Variants in ADAM9 observed in about 807,000 individuals in gnomAD.
ADAM9 encodes disintegrin and metalloproteinase domain-containing protein 9.
Under a neutral mutation model 108.1 loss-of-function variants are expected in ADAM9, and 54 were observed. The observed-to-expected ratio is 0.50, with a 90% CI of 0.40 to 0.63. ADAM9 has a LOEUF of 0.63. ADAM9 is among the 20% of genes least tolerant of loss of function. ADAM9 has a pLI of 0.00. For missense variants in ADAM9, 830 were observed against 997.7 expected, an observed-to-expected ratio of 0.83 and a Z score of 2.26; for synonymous variants, 316 against 336.0, an observed-to-expected ratio of 0.94 and a Z score of 0.65.
intron 11 of ADAM9, among the ~76,000 whole-genome samples, chr8:39,040,554 G>T (rs1002177199): frequency 1.3e-5 from 2 of 152,142 alleles, no homozygotes; most frequent in Admixed American, 6.5e-5. Flanking sequence ...CTATGGAGTT[G>T]TGTGAGTTTT....
At chr8:39,045,247 CATATATGTGTATATATGT>C (rs1564299039) in intron 12 of ADAM9, among the ~76,000 whole-genome samples, 3 of 129,818 alleles carry the variant, frequency 2.3e-5, no homozygotes, top group African/African-American at 9.6e-5. Context: ...TGTATACATA[CATATATGTGTATATATGT>C]GTATACATAC....
intron 12 of ADAM9, among the ~76,000 whole-genome samples, chr8:39,051,451 A>G (rs1217375729): frequency 3.9e-5 from 6 of 152,154 alleles, no homozygotes; most frequent in Admixed American, 2.0e-4. Flanking sequence ...CTGACTTTTT[A>G]TAGGAGATTT....
chr8:39,065,612 A>T (rs530116283), intron 14 of ADAM9, among the ~76,000 whole-genome samples: 1 of 146,216 alleles, frequency 6.8e-6, no homozygotes, highest in South Asian at 2.2e-4. Flanking sequence ...GTGAGCCGAG[A>T]TCGCACCATT....
At chr8:39,090,460 G>A (rs868489780) in intron 19 of ADAM9, among the ~76,000 whole-genome samples, 1 of 152,024 alleles carries the variant, frequency 6.6e-6, no homozygotes, top group South Asian at 2.1e-4. Flanking sequence ...GAGCCTCCAC[G>A]CTCAGCCTAT....
chr8:39,100,292 A>G (rs952399395), intron 20 of ADAM9, among the ~76,000 whole-genome samples: 14 of 151,754 alleles, frequency 9.2e-5, no homozygotes, highest in African/African-American at 3.1e-4. Context: ...GATGGAGACC[A>G]TCCTGGCTAA....
At chr8:39,028,101 A>G (rs1836981132) in intron 11 of ADAM9, among the ~76,000 whole-genome samples, 1 of 152,106 alleles carries the variant, frequency 6.6e-6, no homozygotes, top group Non-Finnish European at 1.5e-5. Flanking sequence ...ACAAACACAG[A>G]TGAAGATTTC....
chr8:39,084,969 C>T (rs1839141139), intron 18 of ADAM9, among the ~76,000 whole-genome samples: 2 of 152,062 alleles, frequency 1.3e-5, no homozygotes, highest in Non-Finnish European at 2.9e-5. Context: ...TAGTAATATT[C>T]TCTGCCCTGC....
intron 5 of ADAM9, chr8:39,016,985 A>G (rs1836553335): frequency 1.9e-6 from 1 of 525,102 alleles, no homozygotes; most frequent in Non-Finnish European, 3.4e-6. Flanking sequence ...TTTCCCGTAG[A>G]TCACTCAGGG....
At chr8:39,048,857 TAG>T (rs1837860500) in intron 12 of ADAM9, among the ~76,000 whole-genome samples, 1 of 152,216 alleles carries the variant, frequency 6.6e-6, no homozygotes, top group Middle Eastern at 3.4e-3. Flanking sequence ...AATTCTGACA[TAG>T]AGTCTCTTTT....
intron 15 of ADAM9, among the ~76,000 whole-genome samples, chr8:39,074,114 C>T (rs1367295068): frequency 2.0e-5 from 3 of 152,122 alleles, no homozygotes; most frequent in African/African-American, 4.8e-5. Flanking sequence ...TTGTTGTCAT[C>T]CTCCTTGGAG....
At chr8:39,102,255 C>T (rs1839723365) in intron 21 of ADAM9, among the ~76,000 whole-genome samples, 1 of 152,096 alleles carries the variant, frequency 6.6e-6, no homozygotes, top group Admixed American at 6.6e-5. Context: ...CCGTCAAAAA[C>T]AGCTAAAAAA....
chr8:38,996,975 A>T lies in ADAM9; in HGVS notation c.-89A>T. ...TCGGGCGCGCGCGCTTCCCGGCCAG[A>T]CTTGGGGCCCCGGCAGGGTTGGAAA... On this transcript the variant is annotated 5_prime_UTR_variant, in exon 1 of 22. Coordinates refer to ENST00000487273, the MANE Select transcript of ADAM9 (RefSeq NM_003816.3). 1.3e-6 allele frequency: 2 copies of T among 1,522,434 alleles called. No homozygotes were observed. Among genetic ancestry groups the T allele is most frequent in the Non-Finnish European group, 1.8e-6 (2 of 1,132,438 alleles). The allele number at this position is 1,522,434 out of a possible 1,614,324, so 94.3% of individuals were successfully genotyped here. A position where few individuals can be genotyped will look rare whatever the true frequency, so the allele number is the denominator to read the frequency against.
Position 39,042,088 on chromosome 8 carries a change from G to A in ADAM9, c.1273G>A (p.Gly425Arg), listed in dbSNP as rs1411901548. The A allele has an allele frequency of 2.5e-6, 4 of 1,614,056 alleles. No individual in the cohort carries two copies. Among genetic ancestry groups the A allele is most frequent in the Non-Finnish European group, 3.4e-6 (4 of 1,179,914 alleles). ...CTGTGGTAATAAGTTGGTGGACGCT[G>A]GGGAAGAGTGTGACTGTGGTACTCC... ...PSCGNKLVDAGEECDCGTPKE... is the reference protein window; with the variant it reads ...PSCGNKLVDAREECDCGTPKE... The change falls in exon 12 of 22, where the codon GGG (glycine) becomes AGG (arginine). Residue 425 changes from glycine (G) to arginine (R), a missense_variant. Gly to Arg is a moderately radical substitution (Grantham distance 125, BLOSUM62 -2). Transcript: ENST00000487273.
chr8:39,026,880 A>G, intron 11 of ADAM9, 70 bp downstream of exon 11: 3 of 1,580,078 alleles, frequency 1.9e-6, no homozygotes, highest in Non-Finnish European at 2.6e-6. Context: ...TGTGAGGGAT[A>G]TTCATGTCTA....
intron 5 of ADAM9, 81 bp from the exon 6 acceptor site, chr8:39,017,138 T>C (rs903205774): frequency 1.4e-6 from 2 of 1,434,648 alleles, no homozygotes; most frequent in Admixed American, 1.7e-5. Flanking sequence ...CATTTAAGAA[T>C]TAGGACTTGA....
intron 8 of ADAM9, among the ~76,000 whole-genome samples, chr8:39,021,944 T>A (rs1381020598): frequency 6.6e-6 from 1 of 152,238 alleles, no homozygotes; most frequent in Non-Finnish European, 1.5e-5. Context: ...ATCTACTTTA[T>A]CTTCAGAGTT....
chr8:39,019,217 G>A (rs995414814), intron 7 of ADAM9, among the ~76,000 whole-genome samples: 1 of 152,006 alleles, frequency 6.6e-6, no homozygotes, highest in African/African-American at 2.4e-5. Flanking sequence ...TCAGGCTCTT[G>A]AGAACTTTTC....
intron 18 of ADAM9, among the ~76,000 whole-genome samples, chr8:39,088,479 G>A (rs1403330301): frequency 6.6e-6 from 1 of 151,674 alleles, no homozygotes; most frequent in Admixed American, 6.6e-5. Context: ...GGATGGTCTC[G>A]ATCTCCTGAC....
chr8:39,020,636 A>G (rs1352769138), intron 7 of ADAM9, among the ~76,000 whole-genome samples: 3 of 152,176 alleles, frequency 2.0e-5, no homozygotes, highest in Non-Finnish European at 1.5e-5. Context: ...TCTACATATG[A>G]TTTTTTAACT....
Sources: gnomAD v4.1 joint callset for allele counts (sites outside exome capture counted in the v4.1 genomes callset) on GRCh38, gnomAD v4.1.1 for gene constraint, MANE v1.5 for transcripts, NCBI Gene and HGNC (gene_info 2026-07-23, HGNC 2026-07-21) for gene names.